BCOR: variants seen among roughly 807,000 people sequenced by gnomAD.
BCOR encodes the protein BCL6 corepressor.
In BCOR, 10 loss-of-function variants were observed where a neutral mutation model predicts 86.7. The observed-to-expected ratio is 0.12, with a 90% CI of 0.07 to 0.20. BCOR has a LOEUF of 0.20. Among genes scored for constraint, BCOR ranks in the 10% least tolerant of loss-of-function variants. The pLI, the probability that BCOR is intolerant of heterozygous loss-of-function variation, is 1.00. For missense variants in BCOR, 1,259 were observed against 1,452.1 expected (o/e 0.87, Z 2.16); for synonymous variants, 611 against 609.0 (o/e 1.00, Z -0.05).
rs1381757091 is a variant in BCOR, at chrX:40,097,344, G to C, written c.-170C>G. 9.1e-6 allele frequency: 1 copy of C among 109,716 alleles called. No homozygotes were observed. The highest frequency in any genetic ancestry group is 9.4e-5 in the Admixed American group (1 of 10,595). The allele number at this position is 109,716 out of a possible 1,213,427, so 9.0% of individuals were successfully genotyped here. A position where few individuals can be genotyped will look rare whatever the true frequency, so the allele number is the denominator to read the frequency against. ...GTGGGTGGAGAGAGATATGAGGGGT[G>C]GGGGGGGTTGGCGACGTTAACGAGC... On this transcript the variant is annotated 5_prime_UTR_variant, in exon 1 of 15. Coordinates refer to ENST00000378444, the MANE Select transcript of BCOR (RefSeq NM_001123385.2).
At chrX:40,083,160 C>G (rs773871824) in intron 1 of BCOR, among the ~76,000 whole-genome samples, 2 of 110,661 alleles carry the variant, frequency 1.8e-5, no homozygotes, top group Non-Finnish European at 3.8e-5. Flanking sequence ...AAAAGCTCTT[C>G]CGGATGTGCA....
In BCOR at chrX:40,062,751, C is replaced by G. The variant is rs1340617949; in HGVS notation, c.4168G>C (p.Gly1390Arg). ...AAGCCGGGGTCAAGAGGTACCTTGC[C>G]ATCGGCATTCTCCACGTAGTATTCC... Reference protein sequence around the residue: ...TGEYYVENADGKVTVRRFRKR... With the variant: ...TGEYYVENADRKVTVRRFRKR... The change falls in exon 9 of 15, where the codon GGC becomes CGC. Residue 1390 changes from glycine to arginine, a missense_variant. Coordinates refer to ENST00000378444, the MANE Select transcript of BCOR (RefSeq NM_001123385.2). 1 of 1,208,100 alleles carries G rather than the reference C, an allele frequency of 8.3e-7. No homozygotes were observed. Among genetic ancestry groups the G allele is most frequent in the African/African-American group, 1.8e-5 (1 of 56,889 alleles).
rs1259098035 is a variant in BCOR, at chrX:40,074,768, T to C, written c.578A>G (p.Asn193Ser). 4 of 1,211,584 alleles carry C rather than the reference T, an allele frequency of 3.3e-6. No homozygotes were observed. In the South Asian group the frequency reaches 5.3e-5, roughly 16 times the overall value. ...GASYLRLPWVNPYMEGATPAI... is the reference protein window; with the variant it reads ...GASYLRLPWVSPYMEGATPAI... ...TGGCGTGGCACCCTCCATGTAAGGA[T>C]TGACCCAGGGCAGCCGCAGATAACT... is the stretch of plus-strand genomic sequence containing the variant. The change falls in exon 4 of 15, where the codon AAT becomes AGT. Residue 193 changes from asparagine (N) to serine (S), a missense_variant. By Grantham distance (46) the Asn-to-Ser change is conservative (BLOSUM62 1). Around this residue, in one of 7 missense-constraint regions of BCOR, gnomAD observed 174 missense variants for 189.3 expected, o/e 0.92. Transcript: ENST00000378444.
chrX:40,159,195 A>G (rs1009390531), intron 1 of BCOR, among the ~76,000 whole-genome samples: 1 of 112,550 alleles, frequency 8.9e-6, no homozygotes, highest in Non-Finnish European at 1.9e-5. Flanking sequence ...GTTTATTTCA[A>G]CCAAGCAAAA....
chrX:40,076,374 A>C, intron 3 of BCOR, 80 bp downstream of exon 3: 1 of 749,312 alleles, frequency 1.3e-6, no homozygotes, highest in Non-Finnish European at 2.0e-6. Context: ...CCCACCCTTT[A>C]AGGGCATGCA....
intron 1 of BCOR, among the ~76,000 whole-genome samples, chrX:40,130,917 C>A (rs1039131299): frequency 9.0e-6 from 1 of 111,661 alleles, no homozygotes; most frequent in Non-Finnish European, 1.9e-5. Context: ...AGCCACCCCC[C>A]ACCTTCCCTG....
rs1335574709 is a variant in BCOR at position 40,052,223 on chromosome X, A to G, written c.5154T>C (p.Pro1718=). The G allele has an allele frequency of 8.3e-7, 1 of 1,211,660 alleles. No individual in the cohort carries two copies. Among genetic ancestry groups the G allele is most frequent in the South Asian group, 1.8e-5 (1 of 56,943 alleles). Residue 1718 remains proline, a synonymous_variant, in exon 15 of 15, where the codon CCT becomes CCC. Transcript: ENST00000378444. The stretch of plus-strand genomic sequence containing the variant: ...CCAGATCTAACAGCTCCTTACTTTC[A>G]GGGTTGAAGGCTTCCAGGTCTTTGG... ...SCSKDLEAFN[P]ESKELLDLVE...
intron 10 of BCOR, among the ~76,000 whole-genome samples, chrX:40,059,431 A>G (rs1333590986): frequency 8.9e-6 from 1 of 112,449 alleles, no homozygotes; most frequent in African/African-American, 3.2e-5. Flanking sequence ...CAAAGGCCCA[A>G]TCAAGGGCCC....
At chrX:40,126,047 T>TAA (rs752335185) in intron 1 of BCOR, among the ~76,000 whole-genome samples, 2 of 101,271 alleles carry the variant, frequency 2.0e-5, no homozygotes, top group Admixed American at 2.2e-4. Context: ...CCGTCTCTAC[T>TAA]AAAAAAAAAA....
chrX:40,133,139 CTT>C (rs774822335), intron 1 of BCOR, among the ~76,000 whole-genome samples: 9 of 100,237 alleles, frequency 9.0e-5, no homozygotes, highest in African/African-American at 1.1e-4. Flanking sequence ...TTCTTTTTTT[CTT>C]TTTTTTTTTT....
upstream of BCOR, among the ~76,000 whole-genome samples, chrX:40,099,911 C>A (rs1401802733): frequency 8.9e-6 from 1 of 112,256 alleles, no homozygotes; most frequent in Non-Finnish European, 1.9e-5. Context: ...GCCGCGAACG[C>A]TTCCAGGACC....
At chrX:40,107,851 G>T (rs1937222261) in intron 1 of BCOR, among the ~76,000 whole-genome samples, 1 of 113,588 alleles carries the variant, frequency 8.8e-6, no homozygotes, top group African/African-American at 3.2e-5. Flanking sequence ...TTTGTGTGGT[G>T]TCATTTGCAT....
At position 40,077,981 on chromosome X, in the gene BCOR, A is replaced by T; in HGVS notation, c.-40-12T>A. On this transcript the variant is annotated splice_polypyrimidine_tract_variant and intron_variant, in intron 1 of 14. Transcript: ENST00000378444. ...TTCAAGCGTCTAGTCTGTTAAAAGG[A>T]AAGAAAAAAAATCCCAGGAGGTTCA... 1 of 1,069,475 alleles carries T rather than the reference A, an allele frequency of 9.4e-7. No homozygotes were observed. The highest frequency in any genetic ancestry group is 2.2e-5 in the Admixed American group (1 of 45,866). 88.1% of individuals were successfully genotyped at this position (1,069,475 alleles called of 1,213,427 possible). A position where few individuals can be genotyped will look rare whatever the true frequency, so the allele number is the denominator to read the frequency against.
Position 40,057,797 on chromosome X carries a change from G to T in BCOR, c.4429-476C>A, listed in dbSNP as rs142561719. Among the ~76,000 whole-genome samples the T allele has an allele frequency of 6.3e-3, 710 of 112,272 alleles. 8 individuals carry two copies. The highest frequency in any genetic ancestry group is 0.022 in the African/African-American group (685 of 30,884). On this transcript the variant is annotated intron_variant, in intron 10 of 14. Transcript: ENST00000378444. ...GATGACGACACAAGTTTAGATAAAA[G>T]CAAGGCCAATCAAGGCATAATGAAC...
intron 1 of BCOR, among the ~76,000 whole-genome samples, chrX:40,148,107 C>T (rs759607795): frequency 8.9e-6 from 1 of 112,288 alleles, no homozygotes; most frequent in Admixed American, 9.4e-5. Context: ...CACTTTCCAC[C>T]GCATTTCCAT....
chrX:40,157,391 A>AATT (rs972680417), intron 1 of BCOR, among the ~76,000 whole-genome samples: 7 of 111,912 alleles, frequency 6.3e-5, no homozygotes, highest in Admixed American at 1.9e-4. Context: ...AGAGAGAGGT[A>AATT]ATTAAGAGGG....
rs1214882413 is a variant in BCOR, at chrX:40,062,391, C to T, written c.4176G>A (p.Val1392=). 2.5e-6 allele frequency: 3 copies of T among 1,203,459 alleles called. No individual in the cohort carries two copies. Among genetic ancestry groups the T allele is most frequent in the Non-Finnish European group, 3.4e-6 (3 of 891,650 alleles). ...EYYVENADGK[V]TVRRFRKRPE... ...GCCGCTTTCTGAATCTCCGGACAGTCACCTATCATAAAACCAAGCAGCGCA... is the reference window on the plus strand; with the variant it reads ...GCCGCTTTCTGAATCTCCGGACAGTTACCTATCATAAAACCAAGCAGCGCA... Residue 1392 remains valine (V), a splice_region_variant and synonymous_variant, in exon 10 of 15, where the codon GTG becomes GTA. Coordinates refer to ENST00000378444, the MANE Select transcript of BCOR (RefSeq NM_001123385.2).
chrX:40,109,520 CCGGGCGG>C (rs1569182179), intron 1 of BCOR, among the ~76,000 whole-genome samples: 1 of 112,154 alleles, frequency 8.9e-6, no homozygotes, highest in African/African-American at 3.2e-5. Flanking sequence ...GGCCCCGGCC[CCGGGCGG>C]CGGAGCCAAG....
At chrX:40,083,192 T>G (rs1936186807) in intron 1 of BCOR, among the ~76,000 whole-genome samples, 1 of 110,308 alleles carries the variant, frequency 9.1e-6, no homozygotes, top group South Asian at 3.9e-4. Context: ...GTCCTCCGGG[T>G]CTGCTGGAGA....
Sources: gnomAD v4.1 joint callset for allele counts (sites outside exome capture counted in the v4.1 genomes callset) on GRCh38, gnomAD v4.1.1 for gene constraint, gnomAD v4.1.1 regional missense constraint, MANE v1.5 for transcripts, NCBI Gene and HGNC (gene_info 2026-07-23, HGNC 2026-07-21) for gene names.